Variants in MBP observed in about 807,000 individuals in gnomAD.
MBP encodes Golli-MBP.
In MBP, 16 loss-of-function variants were observed where a neutral mutation model predicts 35.8. The observed-to-expected ratio is 0.45, with a 90% CI of 0.30 to 0.68. The LOEUF (loss-of-function observed/expected upper bound fraction) is 0.68. Ranked by LOEUF, MBP falls within the 30% of genes least tolerant of loss-of-function variation. The pLI, the probability that MBP is intolerant of heterozygous loss-of-function variation, is 0.08. For missense variants in MBP, 380 were observed against 404.7 expected (o/e 0.94, Z 0.52); for synonymous variants, 143 against 159.6 (o/e 0.90, Z 0.78).
intron 3 of MBP, among the ~76,000 whole-genome samples, chr18:77,023,436 C>T (rs190282417): frequency 4.6e-5 from 7 of 152,266 alleles, no homozygotes; most frequent in East Asian, 3.9e-4. Flanking sequence ...CACAACCCCC[C>T]GCTTCCTTTG....
In MBP at chr18:77,080,940, C is replaced by A. The variant is rs138954097; in HGVS notation, c.52-14555G>T. Reference sequence around the variant, plus strand: ...TCAAGTGATTCACCCGCCTCAACCTCCCAAAGTGCTGGGACTACAGGCGTG... The same window carrying A: ...TCAAGTGATTCACCCGCCTCAACCTACCAAAGTGCTGGGACTACAGGCGTG... On this transcript the variant is annotated intron_variant, in intron 2 of 8. Transcript: ENST00000355994. Among the ~76,000 whole-genome samples the A allele has an allele frequency of 3.1e-3, 469 of 152,344 alleles. 3 individuals carry two copies. The highest frequency in any genetic ancestry group is 0.011 in the African/African-American group (448 of 41,564).
At chr18:77,057,822 G>GTGTTTTTTTT (rs1375537746) in intron 3 of MBP, among the ~76,000 whole-genome samples, 1 of 3,048 alleles carries the variant, frequency 3.3e-4, no homozygotes, top group Non-Finnish European at 5.2e-4. Context: ...AAGGCGGGGA[G>GTGTTTTTTTT]TGTTTTTTTT....
chr18:76,994,970 A>T (rs907928847), intron 4 of MBP, among the ~76,000 whole-genome samples: 16 of 152,226 alleles, frequency 1.1e-4, no homozygotes, highest in Non-Finnish European at 1.5e-4. Flanking sequence ...AGATAATTTG[A>T]GGCAGTCTTA....
chr18:77,022,880 G>T (rs1351950318), intron 3 of MBP, among the ~76,000 whole-genome samples: 1 of 152,192 alleles, frequency 6.6e-6, no homozygotes, highest in Non-Finnish European at 1.5e-5. Flanking sequence ...GGCGAGTGCA[G>T]TTTAGTCGTT....
Position 77,052,044 on chromosome 18 carries a change from A to G in MBP, c.139+14254T>C, listed in dbSNP as rs578256914. On this transcript the variant is annotated intron_variant, in intron 3 of 8. Transcript: ENST00000355994. ...TGAAGCCGTGCGGCAGCACTGGAAG[A>G]GGATGAGGAGGCTGGAGAAGGCGTG... Among the ~76,000 whole-genome samples, 9 of 152,292 alleles carry G rather than the reference A, an allele frequency of 5.9e-5. No individual in the cohort carries two copies. In the South Asian group the frequency reaches 1.9e-3, roughly 32 times the overall value.
chr18:77,105,391 T>A, intron 1 of MBP, 105 bp from the exon 2 acceptor site: 2 of 667,768 alleles, frequency 3.0e-6, no homozygotes, highest in Non-Finnish European at 5.5e-6. Flanking sequence ...TAATGCCCAT[T>A]TTTGAGAAGA....
In MBP at chr18:77,044,127, T is replaced by TG. The variant is rs1351490929; in HGVS notation, c.139+22170dup. Among the ~76,000 whole-genome samples the TG allele has an allele frequency of 1.3e-5, 2 of 152,082 alleles. No homozygotes were observed. The highest frequency in any genetic ancestry group is 4.8e-5 in the African/African-American group (2 of 41,400). On this transcript the variant is annotated intron_variant, in intron 3 of 8. Transcript: ENST00000355994. This position sits in a 1 kb window ranked among gnomAD's most constrained non-coding sequence, Gnocchi z 4.4. ...CCCCGATGCCCTCCACGCTGCACAC[T>TG]GGGCTGGTCTGCAGAGGTCGAATGC...
At chr18:77,116,273 C>T (rs1023357135) in intron 1 of MBP, among the ~76,000 whole-genome samples, 12 of 152,192 alleles carry the variant, frequency 7.9e-5, no homozygotes, top group Middle Eastern at 3.2e-3. Flanking sequence ...CATGGTCTCA[C>T]GAAAGACCTG....
rs1974199060 is a variant in MBP, at chr18:77,066,344, G to C, written c.93C>G (p.Asn31Lys). The C allele has an allele frequency of 2.5e-6, 4 of 1,614,080 alleles. No individual in the cohort carries two copies. Among genetic ancestry groups the C allele is most frequent in the East Asian group, 2.2e-5 (1 of 44,890 alleles). ...AGGTTGTCCGTGAAAGTTCACCCAG[G>C]TTTCTCTTTTTTTCAGATTCTCCTC... is the stretch of plus-strand genomic sequence containing the variant. ...TNRGESEKKR[N>K]LGELSRTTSE... is the part of the protein sequence containing the mutation. The change falls in exon 3 of 9, where the codon AAC becomes AAG. Residue 31 changes from asparagine to lysine, a missense_variant. Transcript: ENST00000355994.
chr18:76,978,909 G>A lies in MBP; in HGVS notation c.*1518C>T, dbSNP rs1451032258. Reference sequence around the variant, plus strand: ...TTCCGTTCAGCCATCGTCACAGCACGTGCTGTGTGGGTGCGGCCACGTATG... The same window carrying A: ...TTCCGTTCAGCCATCGTCACAGCACATGCTGTGTGGGTGCGGCCACGTATG... On this transcript the variant is annotated 3_prime_UTR_variant, in exon 9 of 9. Coordinates refer to ENST00000355994, the MANE Select transcript of MBP (RefSeq NM_001025101.2). The A allele has an allele frequency of 2.6e-5, 4 of 152,218 alleles. No homozygotes were observed. Among genetic ancestry groups the A allele is most frequent in the Non-Finnish European group, 5.9e-5 (4 of 68,046 alleles). The allele number at this position is 152,218 out of a possible 1,614,324, so 9.4% of individuals were successfully genotyped here.
intron 4 of MBP, among the ~76,000 whole-genome samples, chr18:76,992,319 C>G (rs11661054): frequency 2.5e-4 from 38 of 152,076 alleles, no homozygotes; most frequent in Middle Eastern, 6.8e-3. Context: ...CATGCCATTC[C>G]CAGTAGGGTT....
chr18:77,130,842 T>C (rs1359775592), intron 1 of MBP, among the ~76,000 whole-genome samples: 2 of 151,976 alleles, frequency 1.3e-5, no homozygotes, highest in Non-Finnish European at 2.9e-5. Context: ...TACACTTTCT[T>C]ATCTTTGGGC....
chr18:77,052,888 G>A (rs150770586), intron 3 of MBP, among the ~76,000 whole-genome samples: 24 of 152,260 alleles, frequency 1.6e-4, no homozygotes, highest in Admixed American at 3.3e-4. Context: ...CTTCAGGGGC[G>A]CTGTCCCTGT....
intron 1 of MBP, chr18:77,113,605 A>T (rs1409565540): frequency 6.5e-6 from 1 of 152,720 alleles, no homozygotes; most frequent in African/African-American, 2.4e-5. Context: ...CTGAGGAGGG[A>T]AACAGCGTTC....
chr18:76,981,467 C>T (rs924153759), intron 8 of MBP: 4 of 152,210 alleles, frequency 2.6e-5, no homozygotes, highest in African/African-American at 4.8e-5. Flanking sequence ...TTCCAAGTAA[C>T]GCAGCTAACA....
rs1220251983 is a variant in MBP, at chr18:77,131,731, A to C, written c.-26+849T>G. On this transcript the variant is annotated intron_variant, in intron 1 of 8. Transcript: ENST00000355994. The surrounding 1 kb of genome is among the most constrained non-coding windows in gnomAD (Gnocchi z 5.5). The stretch of plus-strand genomic sequence containing the variant: ...CCCCGGAAAATCTAGTGTGGCGGCA[A>C]ATGACCGCAGGTCACACACCCCGGC... 6.6e-6 allele frequency: 1 copy of C among 151,884 alleles called. No homozygotes were observed. The highest frequency in any genetic ancestry group is 1.5e-5 in the Non-Finnish European group (1 of 68,034). 9.4% of individuals were successfully genotyped at this position (151,884 alleles called of 1,614,324 possible). A position where few individuals can be genotyped will look rare whatever the true frequency, so the allele number is the denominator to read the frequency against.
chr18:77,050,307 A>C (rs901220521), intron 3 of MBP, among the ~76,000 whole-genome samples: 3 of 152,268 alleles, frequency 2.0e-5, no homozygotes, highest in Non-Finnish European at 2.9e-5. Context: ...AGGCAGTTGC[A>C]AAAGCAGATA....
intron 4 of MBP, chr18:77,013,455 G>A: frequency 1.0e-6 from 1 of 985,284 alleles, no homozygotes; most frequent in Middle Eastern, 5.2e-4. Flanking sequence ...TGAGGAATTA[G>A]GTTACTGTAG....
rs181382505 is a variant in MBP at position 77,122,347 on chromosome 18, C to T, written c.-26+10233G>A. ...CAGCTGAGAAACAAGGGCAAGGAGG[C>T]GACTCCAGAAAGGAGTGGACTACGC... On this transcript the variant is annotated intron_variant, in intron 1 of 8. Transcript: ENST00000355994. Among the ~76,000 whole-genome samples, 13 of 152,190 alleles carry T rather than the reference C, an allele frequency of 8.5e-5. No homozygotes were observed. The East Asian group carries it at 1.4e-3, about 16-fold the overall frequency.
Sources: allele counts gnomAD v4.1 joint callset (sites outside exome capture counted in the v4.1 genomes callset), GRCh38; gene constraint gnomAD v4.1.1; non-coding constraint Gnocchi (gnomAD v3.1); transcripts MANE v1.5; gene names NCBI Gene and HGNC (gene_info 2026-07-23, HGNC 2026-07-21).